The following NRXN1 variants were observed in gnomAD, a reference collection of about 807,000 sequenced individuals.
NRXN1 encodes neurexin-1.
A neutral mutation model predicts 150.9 loss-of-function variants in NRXN1; 39 were observed. The observed-to-expected ratio is 0.26, with a 90% confidence interval of 0.20 to 0.34. NRXN1 has a LOEUF of 0.34. Among genes scored for constraint, NRXN1 ranks in the 10% least tolerant of loss-of-function variants. NRXN1 has a pLI of 1.00. For synonymous variants in NRXN1, 924 were observed against 757.0 expected (o/e 1.22, Z -3.62); for missense variants, 1,815 against 1,949.9 (o/e 0.93, Z 1.30).
At chr2:50,510,594 G>C (rs956770394) in intron 12 of NRXN1, among the ~76,000 whole-genome samples, 1 of 151,536 alleles carries the variant, frequency 6.6e-6, no homozygotes, top group Admixed American at 6.6e-5. Context: ...GTTTTGTAGG[G>C]AGTTTTGATT....
At chr2:50,489,638 A>G (rs1461114695) in intron 15 of NRXN1, among the ~76,000 whole-genome samples, 1 of 152,130 alleles carries the variant, frequency 6.6e-6, no homozygotes, top group East Asian at 1.9e-4. Context: ...ACGTGATTCT[A>G]ATGGTGGGAA....
chr2:51,004,682 A>C (rs1700487776), intron 2 of NRXN1, among the ~76,000 whole-genome samples: 1 of 151,890 alleles, frequency 6.6e-6, no homozygotes. Context: ...CATTTGCTCA[A>C]AAGGGACTCG....
chr2:50,143,352 AG>A (rs1361024679), intron 18 of NRXN1, among the ~76,000 whole-genome samples: 1 of 151,998 alleles, frequency 6.6e-6, no homozygotes, highest in Non-Finnish European at 1.5e-5. Context: ...GGAACAATTT[AG>A]GATAAATAAT....
Position 50,517,463 on chromosome 2 carries a change from G to A in NRXN1, c.2375-10846C>T, listed in dbSNP as rs939124589. ...ACCCCTTGATATTAAATTAAGCCAA[G>A]TAGTTGATGAAAAGTAACTCCATCT... On this transcript the variant is annotated intron_variant, in intron 12 of 22. Coordinates refer to ENST00000401669, the MANE Select transcript of NRXN1 (RefSeq NM_001330078.2). Among the ~76,000 whole-genome samples, 3 of 152,090 alleles carry A rather than the reference G, an allele frequency of 2.0e-5. No individual in the cohort carries two copies. In the South Asian group the frequency reaches 6.2e-4, roughly 31 times the overall value.
At chr2:50,042,627 A>G (rs1456759322) in intron 21 of NRXN1, among the ~76,000 whole-genome samples, 1 of 152,164 alleles carries the variant, frequency 6.6e-6, no homozygotes. Flanking sequence ...TTCATTATTT[A>G]TTCAAAAACC....
intron 2 of NRXN1, chr2:50,963,842 G>C (rs1693598016): frequency 3.4e-6 from 1 of 297,166 alleles, no homozygotes; most frequent in African/African-American, 2.2e-5. Flanking sequence ...CTTAGAAAGT[G>C]CTTCTTTCAA....
intron 5 of NRXN1, among the ~76,000 whole-genome samples, chr2:50,670,458 G>C (rs1688679197): frequency 6.6e-6 from 1 of 151,862 alleles, no homozygotes; most frequent in African/African-American, 2.4e-5. Context: ...ATTTACAGAA[G>C]AGCTGCAGTG....
chr2:50,730,040 A>C (rs542745641), intron 5 of NRXN1, among the ~76,000 whole-genome samples: 1 of 152,180 alleles, frequency 6.6e-6, no homozygotes, highest in Admixed American at 6.5e-5. Flanking sequence ...CTCTCGACAG[A>C]TGAGGCACCC....
intron 17 of NRXN1, among the ~76,000 whole-genome samples, chr2:50,242,574 T>C (rs1490717007): frequency 6.6e-6 from 1 of 151,766 alleles, no homozygotes; most frequent in Non-Finnish European, 1.5e-5. Context: ...GAGAAGTTAA[T>C]GGAATCAAGT....
rs796892350 is a variant in NRXN1 at position 50,689,854 on chromosome 2, TTGTGTGTG to T, written c.833-66247_833-66240del. ...CATCAGCTTGTTTTTTTTTGCTTAT[TTGTGTGTG>T]TGTGTGTGTGTGTGTGTGTGTGTGT... is the stretch of plus-strand genomic sequence containing the variant. On this transcript the variant is annotated intron_variant, in intron 5 of 22. Coordinates refer to ENST00000401669, the MANE Select transcript of NRXN1 (RefSeq NM_001330078.2). Among the ~76,000 whole-genome samples, 14,916 of 135,296 alleles carry T rather than the reference TTGTGTGTG, an allele frequency of 0.11. 866 individuals carry two copies. The highest frequency in any genetic ancestry group is 0.19 in the Admixed American group (2,553 of 13,642). The allele number at this position is 135,296 out of a possible 152,430, so 88.8% of individuals were successfully genotyped here.
intron 5 of NRXN1, among the ~76,000 whole-genome samples, chr2:50,888,947 A>C (rs1156837627): frequency 6.6e-6 from 1 of 151,720 alleles, no homozygotes; most frequent in Non-Finnish European, 1.5e-5. Context: ...AGCATGAAAA[A>C]TATCCTTGTT....
At chr2:50,859,838 T>TTGTGTGTGTGTG (rs58904379) in intron 5 of NRXN1, among the ~76,000 whole-genome samples, 2,174 of 147,642 alleles carry the variant, frequency 0.015, 51 homozygotes, top group African/African-American at 0.052. Context: ...ACAATTATGT[T>TTGTGTGTGTGTG]TGTGTGTGTG....
intron 22 of NRXN1, among the ~76,000 whole-genome samples, chr2:49,926,756 A>G (rs937117631): frequency 1.3e-5 from 2 of 152,212 alleles, no homozygotes; most frequent in African/African-American, 4.8e-5. Context: ...TTTATTTTTG[A>G]TAGTCTTTGA....
At chr2:50,370,037 C>A (rs992792235) in intron 17 of NRXN1, among the ~76,000 whole-genome samples, 1 of 152,034 alleles carries the variant, frequency 6.6e-6, no homozygotes, top group Non-Finnish European at 1.5e-5. Flanking sequence ...AAGCTGACCT[C>A]AATTTCTACC....
intron 5 of NRXN1, among the ~76,000 whole-genome samples, chr2:50,807,543 T>C (rs1667663107): frequency 6.6e-6 from 1 of 152,196 alleles, no homozygotes; most frequent in Non-Finnish European, 1.5e-5. Flanking sequence ...GAATGGAAGA[T>C]GGCGGCCCAT....
chr2:50,726,197 G>C (rs372579996), intron 5 of NRXN1, among the ~76,000 whole-genome samples: 1 of 152,074 alleles, frequency 6.6e-6, no homozygotes, highest in Admixed American at 6.6e-5. Context: ...TCTTTTACTC[G>C]ATCCCTTAAC....
At chr2:50,198,120 T>G (rs2061895630) in intron 18 of NRXN1, among the ~76,000 whole-genome samples, 1 of 152,116 alleles carries the variant, frequency 6.6e-6, no homozygotes, top group African/African-American at 2.4e-5. Flanking sequence ...AGATCATCTG[T>G]GGGGCATTGC....
intron 22 of NRXN1, among the ~76,000 whole-genome samples, chr2:49,943,404 CATT>C (rs1672348714): frequency 6.6e-6 from 1 of 152,120 alleles, no homozygotes; most frequent in African/African-American, 2.4e-5. Flanking sequence ...AGGGAAAGCT[CATT>C]ATATTGTTAC....
intron 5 of NRXN1, among the ~76,000 whole-genome samples, chr2:50,628,653 AAAGAAT>A (rs1681649410): frequency 6.6e-6 from 1 of 151,796 alleles, no homozygotes; most frequent in Non-Finnish European, 1.5e-5. Context: ...CTGAACACTT[AAAGAAT>A]AAGTCTACGT....
Sources: allele counts gnomAD v4.1 joint callset (sites outside exome capture counted in the v4.1 genomes callset), GRCh38; gene constraint gnomAD v4.1.1; transcripts MANE v1.5; gene names NCBI Gene and HGNC (gene_info 2026-07-23, HGNC 2026-07-21).